APP: variants seen among roughly 807,000 people sequenced by gnomAD.
APP encodes the protein amyloid beta precursor protein.
In APP, 31 loss-of-function variants were observed where a neutral mutation model predicts 101.4. The ratio of observed to expected loss-of-function variants is 0.31; its 90% CI spans 0.23 to 0.41. The LOEUF is 0.41. Ranked by LOEUF, APP falls within the 10% of genes least tolerant of loss-of-function variation. The probability of loss-of-function intolerance (pLI) is 1.00; values close to 1 mark genes in which losing one functional copy is unlikely to be tolerated. For synonymous variants in APP, 366 were observed against 364.4 expected, an observed-to-expected ratio of 1.00 and a Z score of -0.05; for missense variants, 839 against 1,003.7, an observed-to-expected ratio of 0.84 and a Z score of 2.22.
intron 13 of APP, chr21:25,928,906 G>A (rs778957215): frequency 1.3e-4 from 19 of 147,868 alleles, no homozygotes; most frequent in African/African-American, 4.3e-4. Context: ...ATTTTTAGTA[G>A]AGACAGGGTT....
At chr21:26,041,936 C>A (rs1222427577) in intron 5 of APP, among the ~76,000 whole-genome samples, 1 of 200 alleles carries the variant, frequency 5.0e-3, no homozygotes, top group African/African-American at 0.016. Context: ...ATGAGTTCTC[C>A]TATTTCAGTA....
At chr21:26,042,266 T>TA (rs2045406687) in intron 5 of APP, among the ~76,000 whole-genome samples, 2 of 152,190 alleles carry the variant, frequency 1.3e-5, no homozygotes, top group Non-Finnish European at 2.9e-5. Flanking sequence ...TCTCTTTCTC[T>TA]CTCACCTAAT....
intron 15 of APP, among the ~76,000 whole-genome samples, chr21:25,903,709 T>C (rs1210972449): frequency 6.6e-6 from 1 of 152,130 alleles, no homozygotes; most frequent in Non-Finnish European, 1.5e-5. Context: ...CCTGGCTCCT[T>C]GAGATTCCCT....
In APP at chr21:26,062,230, A is replaced by ACACACACACACAC. The variant is rs57087990; in HGVS notation, c.356-8883_356-8882insGTGTGTGTGTGTG. ...GTCTCAAAAAACAAACAAACAAACA[A>ACACACACACACAC]ACACACACACACACACACACACACA... On this transcript the variant is annotated intron_variant, in intron 3 of 17. Coordinates refer to ENST00000346798, the MANE Select transcript of APP (RefSeq NM_000484.4). 6.2e-5 allele frequency among the ~76,000 whole-genome samples: 9 copies of ACACACACACACAC among 145,154 alleles called. No homozygotes were observed. In the South Asian group the frequency reaches 1.4e-3, roughly 22 times the overall value.
intron 13 of APP, among the ~76,000 whole-genome samples, chr21:25,944,738 G>T (rs1387120921): frequency 1.3e-5 from 2 of 152,036 alleles, no homozygotes; most frequent in Non-Finnish European, 2.9e-5. Context: ...AATGAACCTT[G>T]AAGGCAGATG....
intron 11 of APP, among the ~76,000 whole-genome samples, chr21:25,966,573 A>C (rs1431938844): frequency 6.6e-6 from 1 of 152,200 alleles, no homozygotes; most frequent in African/African-American, 2.4e-5. Context: ...CTGTCCACAT[A>C]CCAAGAACTC....
intron 11 of APP, among the ~76,000 whole-genome samples, chr21:25,956,084 T>C (rs1300635704): frequency 1.3e-5 from 2 of 152,176 alleles, no homozygotes; most frequent in Non-Finnish European, 2.9e-5. Context: ...GTTAGGTCCT[T>C]CTCTTTTCGC....
rs374729272 is a variant in APP, at chr21:26,164,102, G to T, written c.57+6462C>A. Among the ~76,000 whole-genome samples, 41 of 152,220 alleles carry T rather than the reference G, an allele frequency of 2.7e-4. No homozygotes were observed. The East Asian group carries it at 6.6e-3, about 24-fold the overall frequency. ...TCTACTAAAAATATAAAAATTAGCT[G>T]GGCATAGTGGCACACGCCTGTAATC... On this transcript the variant is annotated intron_variant, in intron 1 of 17. Coordinates refer to ENST00000346798, the MANE Select transcript of APP (RefSeq NM_000484.4).
chr21:26,001,657 T>G (rs1267147944), intron 6 of APP, among the ~76,000 whole-genome samples: 1 of 152,168 alleles, frequency 6.6e-6, no homozygotes, highest in Non-Finnish European at 1.5e-5. Context: ...CCAGCACGCC[T>G]GGCTAATTTT....
intron 1 of APP, among the ~76,000 whole-genome samples, chr21:26,123,985 T>C (rs1411874025): frequency 2.6e-5 from 4 of 151,734 alleles, no homozygotes; most frequent in African/African-American, 4.8e-5. Flanking sequence ...GGATTCCTAA[T>C]CTTTTTTTTT....
chr21:26,034,694 G>A (rs1388222915), intron 5 of APP, among the ~76,000 whole-genome samples: 3 of 150,968 alleles, frequency 2.0e-5, no homozygotes, highest in African/African-American at 4.9e-5. Flanking sequence ...ATCTATTATC[G>A]ATTAGATTTG....
chr21:25,980,063 CAGA>C (rs2042370486), intron 9 of APP, among the ~76,000 whole-genome samples: 1 of 152,080 alleles, frequency 6.6e-6, no homozygotes, highest in Admixed American at 6.6e-5. Flanking sequence ...AGGGCATTTC[CAGA>C]AGAACTCAAT....
chr21:26,010,209 T>C (rs1555844769), intron 6 of APP, among the ~76,000 whole-genome samples: 1 of 144,796 alleles, frequency 6.9e-6, no homozygotes, highest in Non-Finnish European at 1.5e-5. Context: ...GAATTCCTTT[T>C]GAACAAAAAA....
intron 11 of APP, among the ~76,000 whole-genome samples, chr21:25,973,204 G>GGA (rs1303580313): frequency 6.6e-6 from 1 of 151,404 alleles, no homozygotes; most frequent in African/African-American, 2.4e-5. Flanking sequence ...GGAACAGACT[G>GGA]GACAAATAGC....
chr21:26,113,272 C>T (rs748155165), intron 1 of APP, among the ~76,000 whole-genome samples: 24 of 152,194 alleles, frequency 1.6e-4, no homozygotes, highest in Non-Finnish European at 2.9e-4. Context: ...TCCACGATAA[C>T]TTGTATCATT....
At chr21:25,899,741 G>A (rs2038315752) in intron 15 of APP, among the ~76,000 whole-genome samples, 1 of 152,148 alleles carries the variant, frequency 6.6e-6, no homozygotes, top group South Asian at 2.1e-4. Flanking sequence ...TATAAAAACT[G>A]TAAGAAACTA....
At chr21:25,912,837 T>C (rs945437539) in intron 13 of APP, among the ~76,000 whole-genome samples, 1 of 152,238 alleles carries the variant, frequency 6.6e-6, no homozygotes, top group Non-Finnish European at 1.5e-5. Flanking sequence ...TCTTGTATCA[T>C]GTGTAATTAC....
Position 25,910,660 on chromosome 21 carries a change from A to G in APP, c.1909+1081T>C, listed in dbSNP as rs187952126. 1.2e-4 allele frequency among the ~76,000 whole-genome samples: 18 copies of G among 152,364 alleles called. No homozygotes were observed. In the East Asian group the frequency reaches 3.3e-3, roughly 28 times the overall value. ...AGAAATCCCTGTGAAAAAGGATGCC[A>G]TCTACTGCTCAAATTTGTTGATAGA... On this transcript the variant is annotated intron_variant, in intron 14 of 17. Coordinates refer to ENST00000346798, the MANE Select transcript of APP (RefSeq NM_000484.4).
At chr21:25,935,839 CA>C (rs67114400) in intron 13 of APP, among the ~76,000 whole-genome samples, 812 of 77,038 alleles carry the variant, frequency 0.011, 15 homozygotes, top group African/African-American at 0.041. Flanking sequence ...GACTCTGTCT[CA>C]AAAAAAAAAA....
Sources: gnomAD v4.1 joint callset for allele counts (sites outside exome capture counted in the v4.1 genomes callset) on GRCh38, gnomAD v4.1.1 for gene constraint, MANE v1.5 for transcripts, NCBI Gene and HGNC (gene_info 2026-07-23, HGNC 2026-07-21) for gene names.